SLC28A3: variants seen among roughly 807,000 people sequenced by gnomAD.
The protein encoded by SLC28A3 is concentrative Na(+)-nucleoside cotransporter 3.
SLC28A3 carries 68 observed loss-of-function variants against 84.2 expected under a neutral mutation model. The observed-to-expected ratio is 0.81, with a 90% CI of 0.66 to 0.99. The LOEUF (loss-of-function observed/expected upper bound fraction) is 0.99. SLC28A3 is among the 50% of genes least tolerant of loss of function. SLC28A3 has a pLI of 0.00. For missense variants in SLC28A3, 712 were observed against 841.5 expected (o/e 0.85, Z 1.90); for synonymous variants, 267 against 303.6 (o/e 0.88, Z 1.25).
At chr9:84,305,219 A>AT in intron 4 of SLC28A3, 35 bp downstream of exon 4, 1 of 1,438,978 alleles carries the variant, frequency 6.9e-7, no homozygotes, top group Non-Finnish European at 9.5e-7. Flanking sequence ...AAAAAAAAAA[A>AT]GACAGTGGTA....
chr9:84,319,130 G>A (rs2118479924), intron 1 of SLC28A3, among the ~76,000 whole-genome samples: 1 of 152,254 alleles, frequency 6.6e-6, no homozygotes, highest in Admixed American at 6.5e-5. Context: ...AACGTAGGAG[G>A]TAGGATAAGT....
chr9:84,298,387 T>C (rs747121938), intron 6 of SLC28A3, among the ~76,000 whole-genome samples: 1 of 148,198 alleles, frequency 6.7e-6, no homozygotes, highest in Non-Finnish European at 1.5e-5. Flanking sequence ...CTCGGGAGGC[T>C]GAGGCAGGAG....
At chr9:84,292,571 T>C (rs1825276424) in intron 10 of SLC28A3, 97 bp downstream of exon 10, 2 of 945,070 alleles carry the variant, frequency 2.1e-6, no homozygotes, top group Non-Finnish European at 3.1e-6. Flanking sequence ...CCATTTTCTC[T>C]ACACTAAAAG....
chr9:84,290,994 A>G (rs1825197816), intron 10 of SLC28A3, among the ~76,000 whole-genome samples: 1 of 152,220 alleles, frequency 6.6e-6, no homozygotes, highest in Non-Finnish European at 1.5e-5. Context: ...TAAGGAGGAC[A>G]GGCAGCCTGC....
chr9:84,349,001 G>A, the SLC28A3 span, among the ~76,000 whole-genome samples: 593 of 151,536 alleles, frequency 3.9e-3, 9 homozygotes, highest in African/African-American at 0.014. Flanking sequence ...TCTGCCTCTC[G>A]GGTGTCTCAC....
the SLC28A3 span, among the ~76,000 whole-genome samples, chr9:84,351,937 A>G: frequency 6.6e-6 from 1 of 152,044 alleles, no homozygotes; most frequent in East Asian, 1.9e-4. Context: ...AATAAAACAA[A>G]TGAGGCAAGA....
chr9:84,276,754 A>AAAAC lies in SLC28A3; in HGVS notation c.*1460_*1463dup. The AAAAC allele has an allele frequency of 6.6e-6, 1 of 152,378 alleles. No individual in the cohort carries two copies. Among genetic ancestry groups the AAAAC allele is most frequent in the East Asian group, 1.9e-4 (1 of 5,188 alleles). The allele number at this position is 152,378 out of a possible 1,614,324, so 9.4% of individuals were successfully genotyped here. A position where few individuals can be genotyped will look rare whatever the true frequency, so the allele number is the denominator to read the frequency against. On this transcript the variant is annotated 3_prime_UTR_variant, in exon 18 of 18. Transcript: ENST00000376238. ...CTCCTCCTTCACCACCACAAAAAAC[A>AAAAC]AAACACACAAAAAACCCCAACTATT...
chr9:84,299,443 C>A (rs1825539354), intron 6 of SLC28A3, 138 bp downstream of exon 6: 1 of 1,082,596 alleles, frequency 9.2e-7, no homozygotes, highest in Non-Finnish European at 1.3e-6. Context: ...GATAGGGCAC[C>A]CTGGTCACGT....
chr9:84,308,390 G>A (rs534516350), intron 3 of SLC28A3, among the ~76,000 whole-genome samples: 53 of 151,922 alleles, frequency 3.5e-4, no homozygotes, highest in African/African-American at 1.2e-3. Flanking sequence ...TACTAAAAAT[G>A]CAAAAATTAG....
intron 1 of SLC28A3, among the ~76,000 whole-genome samples, chr9:84,317,662 G>C (rs1009538397): frequency 6.6e-5 from 10 of 152,098 alleles, no homozygotes; most frequent in African/African-American, 1.7e-4. Context: ...GCTCTGGCCT[G>C]GTTGCCAGAG....
chr9:84,334,448 T>A (rs1374047874), intron 1 of SLC28A3, among the ~76,000 whole-genome samples: 1 of 152,178 alleles, frequency 6.6e-6, no homozygotes, highest in Non-Finnish European at 1.5e-5. Context: ...TGCCCCACAT[T>A]TGGGTCAGTA....
intron 11 of SLC28A3, 88 bp downstream of exon 11, chr9:84,290,066 C>CT: frequency 6.5e-7 from 1 of 1,537,066 alleles, no homozygotes. Context: ...TCTTGGCCTC[C>CT]TTTTTCCACC....
At chr9:84,360,863 C>T in the SLC28A3 span, among the ~76,000 whole-genome samples, 2,699 of 152,122 alleles carry the variant, frequency 0.018, 92 homozygotes, top group African/African-American at 0.062. Flanking sequence ...CTGCAGTGAG[C>T]TGTGATGGTG....
At position 84,297,305 on chromosome 9, in the gene SLC28A3, T is replaced by G. The variant is rs888764819; in HGVS notation, c.784-7A>C. 4 of 1,607,204 alleles carry G rather than the reference T, an allele frequency of 2.5e-6. No homozygotes were observed. The highest frequency in any genetic ancestry group is 1.7e-6 in the Non-Finnish European group (2 of 1,177,328). The stretch of plus-strand genomic sequence containing the variant: ...CTGTGTACTCCAGAAAAGTCTGAGT[T>G]AAAGAAAGAAAAAGAGATTTCATTC... On this transcript the variant is annotated splice_polypyrimidine_tract_variant and splice_region_variant and intron_variant, in intron 7 of 17. Transcript: ENST00000376238.
the SLC28A3 span, among the ~76,000 whole-genome samples, chr9:84,360,035 A>G: frequency 2.6e-5 from 4 of 151,280 alleles, no homozygotes; most frequent in African/African-American, 9.7e-5. Context: ...AAGTCTTAAG[A>G]CTAATGTTGT....
chr9:84,350,858 A>G, the SLC28A3 span, among the ~76,000 whole-genome samples: 1 of 152,062 alleles, frequency 6.6e-6, no homozygotes, highest in African/African-American at 2.4e-5. Context: ...GACTACAGGC[A>G]CGCACCACCA....
chr9:84,310,080 A>T (rs1825940827), intron 2 of SLC28A3, among the ~76,000 whole-genome samples: 1 of 152,080 alleles, frequency 6.6e-6, no homozygotes, highest in African/African-American at 2.4e-5. Context: ...AGCTGCATAA[A>T]TCTCCCCTAG....
In SLC28A3 at chr9:84,328,681, C is replaced by T. The variant is rs555525764; in HGVS notation, c.60+11893G>A. ...GGCTGAGACAGGAGAATTGCTTAAACTTGGGAGGCGGAGGTTGCAGTGAAC... is the reference window on the plus strand; with the variant it reads ...GGCTGAGACAGGAGAATTGCTTAAATTTGGGAGGCGGAGGTTGCAGTGAAC... On this transcript the variant is annotated intron_variant, in intron 1 of 17. Coordinates refer to ENST00000376238, the MANE Select transcript of SLC28A3 (RefSeq NM_001199633.2). Among the ~76,000 whole-genome samples the T allele has an allele frequency of 3.2e-3, 489 of 152,246 alleles. 2 individuals carry two copies. Among genetic ancestry groups the T allele is most frequent in the Middle Eastern group, 0.01 (3 of 294 alleles).
intron 17 of SLC28A3, 54 bp from the exon 18 acceptor site, chr9:84,278,398 A>G (rs11140490): frequency 0.15 from 236,468 of 1,606,568 alleles, 18,989 homozygotes; most frequent in African/African-American, 0.3. Flanking sequence ...CAGAAACAGT[A>G]GGTGAGCAGA....
Sources: allele counts gnomAD v4.1 joint callset (sites outside exome capture counted in the v4.1 genomes callset), GRCh38; gene constraint gnomAD v4.1.1; transcripts MANE v1.5; gene names NCBI Gene and HGNC (gene_info 2026-07-23, HGNC 2026-07-21).